Variants in FUBP1 observed in about 807,000 individuals in gnomAD.
FUBP1 encodes far upstream element-binding protein 1.
FUBP1 carries 16 observed loss-of-function variants against 94.9 expected under a neutral mutation model. The ratio of observed to expected loss-of-function variants is 0.17; its 90% CI spans 0.11 to 0.26. The LOEUF is 0.26. FUBP1 is among the 10% of genes least tolerant of loss of function. The pLI is 1.00. For synonymous variants in FUBP1, 279 were observed against 254.9 expected, an observed-to-expected ratio of 1.09 and a Z score of -0.90; for missense variants, 583 against 808.6, an observed-to-expected ratio of 0.72 and a Z score of 3.38.
intron 1 of FUBP1, among the ~76,000 whole-genome samples, chr1:77,976,541 T>A (rs991404824): frequency 5.3e-5 from 8 of 151,812 alleles, no homozygotes; most frequent in Non-Finnish European, 1.2e-4. Flanking sequence ...ATGACCAGGC[T>A]GGAGTGCAGC....
In FUBP1 at chr1:77,978,935, C is replaced by G; in HGVS notation, c.70G>C (p.Gly24Arg). Reference protein sequence around the residue: ...SAGGGGGGGGGGGVNDAFKDA... With the variant: ...SAGGGGGGGGRGGVNDAFKDA... ...TTGAAAGCGTCGTTAACTCCTCCAC[C>G]ACCACCGCCGCCACCACCGCCACCA... The change falls in exon 1 of 20, where the codon GGT becomes CGT. Residue 24 changes from glycine to arginine, a missense_variant. By Grantham distance (125) the Gly-to-Arg change is moderately radical. Coordinates refer to ENST00000370768, the MANE Select transcript of FUBP1 (RefSeq NM_003902.5). The G allele has an allele frequency of 1.2e-6, 2 of 1,613,504 alleles. No individual in the cohort carries two copies. Among genetic ancestry groups the G allele is most frequent in the Non-Finnish European group, 1.7e-6 (2 of 1,179,660 alleles).
At chr1:77,961,024 C>T (rs1352587452) in intron 14 of FUBP1, among the ~76,000 whole-genome samples, 2 of 152,194 alleles carry the variant, frequency 1.3e-5, no homozygotes, top group African/African-American at 4.8e-5. Flanking sequence ...ATTTCTGTCA[C>T]TAAAATCCCA....
chr1:77,963,049 T>A (rs1211751159), intron 13 of FUBP1, 119 bp from the exon 14 acceptor site: 2 of 596,234 alleles, frequency 3.4e-6, no homozygotes, highest in African/African-American at 3.7e-5. Context: ...GTATCCTAAT[T>A]GACAATATTG....
In FUBP1 at chr1:77,962,759, A is replaced by G; in HGVS notation, c.1344+11T>C. On this transcript the variant is annotated intron_variant, in intron 14 of 19. Transcript: ENST00000370768. Reference sequence around the variant, plus strand: ...TCTACACTAAAAATTAAAAGTTTAAAGTATACTCACACCAATCTTTTCTTC... The same window carrying G: ...TCTACACTAAAAATTAAAAGTTTAAGGTATACTCACACCAATCTTTTCTTC... 6.3e-7 allele frequency: 1 copy of G among 1,595,494 alleles called. No individual in the cohort carries two copies. Among genetic ancestry groups the G allele is most frequent in the Non-Finnish European group, 8.6e-7 (1 of 1,166,216 alleles).
At chr1:77,976,695 T>C (rs376403660) in intron 1 of FUBP1, among the ~76,000 whole-genome samples, 1 of 152,330 alleles carries the variant, frequency 6.6e-6, no homozygotes, top group East Asian at 1.9e-4. Flanking sequence ...GGTTTCACCA[T>C]GTTGGCCAGG....
chr1:77,972,468 G>C (rs775703373), intron 1 of FUBP1, among the ~76,000 whole-genome samples: 3 of 152,168 alleles, frequency 2.0e-5, no homozygotes, highest in Non-Finnish European at 4.4e-5. Context: ...GCTGAGGCCA[G>C]GCGTGGTGGC....
upstream of FUBP1, chr1:77,979,218 G>A (rs1490296026): frequency 3.6e-6 from 2 of 550,740 alleles, no homozygotes; most frequent in Non-Finnish European, 6.5e-6. Context: ...CAGGAACAGA[G>A]ACGTCGCGAG....
At chr1:77,964,196 T>A (rs1288497183) in intron 11 of FUBP1, 34 bp from the exon 12 acceptor site, 2 of 1,548,012 alleles carry the variant, frequency 1.3e-6, no homozygotes, top group Admixed American at 3.3e-5. Context: ...AATTAAACAA[T>A]AAATGTATGT....
At chr1:77,972,717 G>A (rs1425949007) in intron 1 of FUBP1, among the ~76,000 whole-genome samples, 2 of 151,228 alleles carry the variant, frequency 1.3e-5, no homozygotes, top group African/African-American at 4.9e-5. Context: ...AGCCAAGATC[G>A]CACCACTGCA....
chr1:77,973,610 T>G (rs1658013106), intron 1 of FUBP1, among the ~76,000 whole-genome samples: 1 of 151,914 alleles, frequency 6.6e-6, no homozygotes, highest in African/African-American at 2.4e-5. Flanking sequence ...TATCTACTTC[T>G]TGAATGAGTA....
chr1:77,948,762 CTTA>C lies in FUBP1; in HGVS notation c.*1_*3del. On this transcript the variant is annotated 3_prime_UTR_variant, in exon 20 of 20. Coordinates refer to ENST00000370768, the MANE Select transcript of FUBP1 (RefSeq NM_003902.5). Reference sequence around the variant, plus strand: ...GAAGCAAATACTGTATTGTCCACTTCTTATTATTGGCCCTGTGCAGAAGAGATA... The same window carrying C: ...GAAGCAAATACTGTATTGTCCACTTCTTATTGGCCCTGTGCAGAAGAGATA... 1 of 1,609,372 alleles carries C rather than the reference CTTA, an allele frequency of 6.2e-7. No homozygotes were observed. Among genetic ancestry groups the C allele is most frequent in the Non-Finnish European group, 8.5e-7 (1 of 1,176,250 alleles).
chr1:77,967,644 C>T lies in FUBP1; in HGVS notation c.273G>A (p.Pro91=), dbSNP rs375397592. 1.7e-5 allele frequency: 27 copies of T among 1,590,154 alleles called. No homozygotes were observed. Among genetic ancestry groups the T allele is most frequent in the South Asian group, 1.0e-4 (9 of 87,684 alleles). The change falls in exon 4 of 20, where the codon CCG becomes CCA. Residue 91 remains proline (P), a synonymous_variant. Coordinates refer to ENST00000370768, the MANE Select transcript of FUBP1 (RefSeq NM_003902.5). ...GACTATACCTTTGCTGCTGATGCAT[C>T]GGTGGTAACTGTGTTCCAAAAGCTA... ...QNDSFGTQLP[P]MHQQQSRSVM...
chr1:77,967,221 T>C, intron 4 of FUBP1, 120 bp from the exon 5 acceptor site: 1 of 639,950 alleles, frequency 1.6e-6, no homozygotes, highest in Admixed American at 3.1e-5. Context: ...ACTAAGGTTC[T>C]AGGCTCAGAC....
rs532496026 is a variant in FUBP1 at position 77,956,824 on chromosome 1, A to T, written c.1577-124T>A. 11 of 554,864 alleles carry T rather than the reference A, an allele frequency of 2.0e-5. No homozygotes were observed. In the Admixed American group the frequency reaches 2.1e-4, roughly 11 times the overall value. The allele number at this position is 554,864 out of a possible 1,614,324, so 34.4% of individuals were successfully genotyped here. On this transcript the variant is annotated intron_variant, in intron 16 of 19. Coordinates refer to ENST00000370768, the MANE Select transcript of FUBP1 (RefSeq NM_003902.5). Reference sequence around the variant, plus strand: ...AGCCCCCAAAATTAACTAGAACATTAAAAAAAGTATATGAAAACTTAAATT... The same window carrying T: ...AGCCCCCAAAATTAACTAGAACATTTAAAAAAGTATATGAAAACTTAAATT...
intron 18 of FUBP1, among the ~76,000 whole-genome samples, chr1:77,950,098 C>T (rs757877471): frequency 2.6e-5 from 4 of 152,168 alleles, no homozygotes; most frequent in Admixed American, 1.3e-4. Context: ...AACACACAGA[C>T]GACAAAAGAC....
At chr1:77,964,801 T>C (rs1656169442) in intron 9 of FUBP1, 54 bp from the exon 10 acceptor site, 1 of 1,480,194 alleles carries the variant, frequency 6.8e-7, no homozygotes, top group Non-Finnish European at 9.5e-7. Context: ...ACATTTTAAT[T>C]ATTCATGCAT....
Position 77,947,617 on chromosome 1 carries a change from G to T in FUBP1, c.*1149C>A. 1.0e-6 allele frequency: 1 copy of T among 1,000,972 alleles called. No homozygotes were observed. Among genetic ancestry groups the T allele is most frequent in the Non-Finnish European group, 1.4e-6 (1 of 706,256 alleles). The allele number at this position is 1,000,972 out of a possible 1,614,324, so 62.0% of individuals were successfully genotyped here. On this transcript the variant is annotated 3_prime_UTR_variant, in exon 20 of 20. Transcript: ENST00000370768. ...AGTCTAATATATTAATATGCAAAGA[G>T]CCAACAAATATGCAAAGAGTAAAAC...
Position 77,948,213 on chromosome 1 carries a change from A to G in FUBP1, c.*553T>C. 2 of 1,051,908 alleles carry G rather than the reference A, an allele frequency of 1.9e-6. No individual in the cohort carries two copies. Among genetic ancestry groups the G allele is most frequent in the Non-Finnish European group, 2.3e-6 (2 of 870,516 alleles). 65.2% of individuals were successfully genotyped at this position (1,051,908 alleles called of 1,614,324 possible). A position where few individuals can be genotyped will look rare whatever the true frequency, so the allele number is the denominator to read the frequency against. The stretch of plus-strand genomic sequence containing the variant: ...AGATATCAGGATTACTTGTGCTGAA[A>G]GAGCCAATACAATAAATGGAAAAGA... On this transcript the variant is annotated 3_prime_UTR_variant, in exon 20 of 20. Transcript: ENST00000370768.
intron 3 of FUBP1, 116 bp from the exon 4 acceptor site, chr1:77,967,782 C>A (rs1432655380): frequency 3.1e-6 from 2 of 642,130 alleles, no homozygotes; most frequent in Admixed American, 6.0e-5. Flanking sequence ...ACAGACAACA[C>A]CTTGAAGAGA....
Sources: gnomAD v4.1 joint callset for allele counts (sites outside exome capture counted in the v4.1 genomes callset) on GRCh38, gnomAD v4.1.1 for gene constraint, MANE v1.5 for transcripts, NCBI Gene and HGNC (gene_info 2026-07-23, HGNC 2026-07-21) for gene names.